FAM83F: variants seen among roughly 807,000 people sequenced by gnomAD.
The protein encoded by FAM83F is protein FAM83F.
A neutral mutation model predicts 42.9 loss-of-function variants in FAM83F; 45 were observed. The ratio of observed to expected loss-of-function variants is 1.05; its 90% confidence interval spans 0.83 to 1.35. FAM83F has a LOEUF of 1.35. Ranked by LOEUF, FAM83F falls within the 40% of genes most tolerant of loss-of-function variation. FAM83F has a pLI of 0.00. For missense variants in FAM83F, 617 were observed against 695.9 expected (o/e 0.89, Z 1.28); for synonymous variants, 306 against 298.3 (o/e 1.03, Z -0.27).
chr22:40,019,571 C>T (rs1479098670), intron 2 of FAM83F, among the ~76,000 whole-genome samples: 2 of 152,248 alleles, frequency 1.3e-5, no homozygotes, highest in African/African-American at 2.4e-5. Context: ...AAGGAGGGAG[C>T]TCTGGGCTGG....
Position 40,021,152 on chromosome 22 carries a change from A to C in FAM83F, c.780-138A>C, listed in dbSNP as rs1454628150. ...AGGCTACGGGTGGGTGGAGGGAATC[A>C]GTCCAGCGTGTGGCCCACAAGGAGC... is the stretch of plus-strand genomic sequence containing the variant. On this transcript the variant is annotated intron_variant, in intron 3 of 4. Coordinates refer to ENST00000333407, the MANE Select transcript of FAM83F (RefSeq NM_138435.4). This position sits in a 1 kb window ranked among gnomAD's most constrained non-coding sequence, Gnocchi z 8.7. 4.2e-6 allele frequency: 4 copies of C among 948,484 alleles called. No individual in the cohort carries two copies. Among genetic ancestry groups the C allele is most frequent in the Non-Finnish European group, 5.8e-6 (4 of 688,822 alleles). 58.8% of individuals were successfully genotyped at this position (948,484 alleles called of 1,614,324 possible).
intron 1 of FAM83F, among the ~76,000 whole-genome samples, chr22:40,001,681 CA>C (rs2067402553): frequency 6.6e-6 from 1 of 151,932 alleles, no homozygotes; most frequent in Non-Finnish European, 1.5e-5. Context: ...CAAAAAAACC[CA>C]AAAAGATAAG....
intron 4 of FAM83F, among the ~76,000 whole-genome samples, chr22:40,028,755 C>T (rs946687230): frequency 6.6e-6 from 1 of 152,220 alleles, no homozygotes; most frequent in East Asian, 1.9e-4. Flanking sequence ...TCCCTACAGG[C>T]AGCGCGTTCC....
chr22:40,028,792 C>G (rs1175725880), intron 4 of FAM83F, among the ~76,000 whole-genome samples: 1 of 152,242 alleles, frequency 6.6e-6, no homozygotes, highest in Non-Finnish European at 1.5e-5. Context: ...AAAGGCGCGT[C>G]CTAAGCAGTG....
chr22:40,019,154 C>A lies in FAM83F; in HGVS notation c.490-14C>A, dbSNP rs7290023. On this transcript the variant is annotated splice_polypyrimidine_tract_variant and intron_variant, in intron 1 of 4. Transcript: ENST00000333407. The stretch of plus-strand genomic sequence containing the variant: ...TAGACACCGTGTGCCTCACCAGTGC[C>A]TTTCCCCACCCAGGTCATTGCTGTG... The A allele has an allele frequency of 4.2e-4, 675 of 1,613,116 alleles. 2 individuals are homozygous for A. The African/African-American group carries it at 7.7e-3, about 18-fold the overall frequency.
chr22:39,995,988 A>G lies in FAM83F; in HGVS notation c.489+457A>G, dbSNP rs2067372227. Among the ~76,000 whole-genome samples, 1 of 152,182 alleles carries G rather than the reference A, an allele frequency of 6.6e-6. No individual in the cohort carries two copies. The highest frequency in any genetic ancestry group is 2.4e-5 in the African/African-American group (1 of 41,440). On this transcript the variant is annotated intron_variant, in intron 1 of 4. Transcript: ENST00000333407. The surrounding 1 kb of genome is among the most constrained non-coding windows in gnomAD (Gnocchi z 4.6). Reference sequence around the variant, plus strand: ...TGACCTTCCCGGTCCCACCTCTGCCATGCTGCTCCTTGGACCACCCCTCTC... The same window carrying G: ...TGACCTTCCCGGTCCCACCTCTGCCGTGCTGCTCCTTGGACCACCCCTCTC...
rs117912419 is a variant in FAM83F, at chr22:40,002,033, G to A, written c.489+6502G>A. On this transcript the variant is annotated intron_variant, in intron 1 of 4. Transcript: ENST00000333407. ...TGGTTGGTAAGGGCAGCTTTCTGCC[G>A]GCCTCCGAGCTGCCTTCGGGAGGCT... is the stretch of plus-strand genomic sequence containing the variant. 7.9e-3 allele frequency among the ~76,000 whole-genome samples: 1,189 copies of A among 151,160 alleles called. 18 individuals carry two copies. Among genetic ancestry groups the A allele is most frequent in the African/African-American group, 0.027 (1,100 of 40,482 alleles).
At position 40,032,283 on chromosome 22, in the gene FAM83F, C is replaced by T. The variant is rs564445375; in HGVS notation, c.*2718C>T. 7.9e-5 allele frequency: 12 copies of T among 152,330 alleles called. 2 individuals are homozygous for T. The South Asian group carries it at 2.1e-3, about 26-fold the overall frequency. The allele number at this position is 152,330 out of a possible 1,614,324, so 9.4% of individuals were successfully genotyped here. ...AACCTAACCTCCCAGTGAGCTGAGC[C>T]CCTGGTGCGGCCGCCACGCTTGCTT... On this transcript the variant is annotated 3_prime_UTR_variant, in exon 5 of 5. Coordinates refer to ENST00000333407, the MANE Select transcript of FAM83F (RefSeq NM_138435.4).
chr22:40,013,061 C>T (rs1435324615), intron 1 of FAM83F, among the ~76,000 whole-genome samples: 7 of 118,782 alleles, frequency 5.9e-5, no homozygotes, highest in Admixed American at 1.1e-4. Flanking sequence ...CCAGCCTGGG[C>T]GACAGAGCGA....
At chr22:40,016,299 C>G (rs921135723) in intron 1 of FAM83F, among the ~76,000 whole-genome samples, 9 of 152,098 alleles carry the variant, frequency 5.9e-5, no homozygotes, top group Non-Finnish European at 1.3e-4. Flanking sequence ...ACCTCATAGG[C>G]TCAAGCAATC....
intron 3 of FAM83F, 106 bp downstream of exon 3, chr22:40,020,114 A>T: frequency 3.4e-6 from 5 of 1,452,578 alleles, no homozygotes; most frequent in Non-Finnish European, 4.6e-6. Context: ...TGTAACAGGG[A>T]TCATCTGACG....
rs762768669 is a variant in FAM83F, at chr22:40,029,541, G to A, written c.1479G>A (p.Lys493=). 6.2e-7 allele frequency: 1 copy of A among 1,612,688 alleles called. No homozygotes were observed. The highest frequency in any genetic ancestry group is 8.5e-7 in the Non-Finnish European group (1 of 1,179,420). The change falls in exon 5 of 5, where the codon AAG becomes AAA. Residue 493 remains lysine (K), a synonymous_variant. Coordinates refer to ENST00000333407, the MANE Select transcript of FAM83F (RefSeq NM_138435.4). ...GTAAAACAAGTCCCAGTTCTGCCAA[G>A]CCTAGCAACTGTGTGATTTCCTGAG... ...ISGKTSPSSA[K]PSNCVIS
Position 40,030,288 on chromosome 22 carries a change from G to A in FAM83F, c.*723G>A, listed in dbSNP as rs2067578854. 1 of 152,362 alleles carries A rather than the reference G, an allele frequency of 6.6e-6. No individual in the cohort carries two copies. The highest frequency in any genetic ancestry group is 6.5e-5 in the Admixed American group (1 of 15,274). The allele number at this position is 152,362 out of a possible 1,614,324, so 9.4% of individuals were successfully genotyped here. ...CCGTCCTGGCAGTCTCGGCATGGGT[G>A]GTTGAGACCTCCTTGGCTGCTGCCT... is the stretch of plus-strand genomic sequence containing the variant. On this transcript the variant is annotated 3_prime_UTR_variant, in exon 5 of 5. Transcript: ENST00000333407.
chr22:40,022,452 C>T (rs1055393594), intron 4 of FAM83F, among the ~76,000 whole-genome samples: 39 of 152,158 alleles, frequency 2.6e-4, no homozygotes, highest in Non-Finnish European at 5.9e-5. Flanking sequence ...GTCAGGATCT[C>T]ACCTGGTTAG....
At chr22:40,002,392 T>C (rs2067406921) in intron 1 of FAM83F, among the ~76,000 whole-genome samples, 1 of 152,206 alleles carries the variant, frequency 6.6e-6, no homozygotes, top group Admixed American at 6.5e-5. Context: ...GAGAGTTGGC[T>C]CCTCTGAAAT....
At chr22:40,029,312 G>C (rs963393351) in intron 4 of FAM83F, among the ~76,000 whole-genome samples, 1 of 152,100 alleles carries the variant, frequency 6.6e-6, no homozygotes, top group Non-Finnish European at 1.5e-5. Context: ...GGCTCCTGCC[G>C]AGGCTGCTGA....
chr22:40,029,398 G>C, intron 4 of FAM83F, 118 bp from the exon 5 acceptor site: 1 of 1,377,962 alleles, frequency 7.3e-7, no homozygotes, highest in Non-Finnish European at 9.8e-7. Flanking sequence ...TTGGGAGGGA[G>C]ACAGTGACCC....
rs998667177 is a variant in FAM83F, at chr22:40,039,468, G to A, written c.*9903G>A. ...ATCTTAGGTGGAGAATAACAAATCC[G>A]ATTCAATATATTCATTTTAGAAACG... On this transcript the variant is annotated 3_prime_UTR_variant, in exon 5 of 5. Coordinates refer to ENST00000333407, the MANE Select transcript of FAM83F (RefSeq NM_138435.4). 2 of 152,148 alleles carry A rather than the reference G, an allele frequency of 1.3e-5. No individual in the cohort carries two copies. Among genetic ancestry groups the A allele is most frequent in the African/African-American group, 2.4e-5 (1 of 41,404 alleles). The allele number at this position is 152,148 out of a possible 1,614,324, so 9.4% of individuals were successfully genotyped here.
At position 40,021,437 on chromosome 22, in the gene FAM83F, G is replaced by C. The variant is rs1450562328; in HGVS notation, c.927G>C (p.Arg309Ser). 1.2e-6 allele frequency: 2 copies of C among 1,613,454 alleles called. No homozygotes were observed. The highest frequency in any genetic ancestry group is 1.7e-6 in the Non-Finnish European group (2 of 1,179,596). The stretch of plus-strand genomic sequence containing the variant: ...ACCGGCAGCTGAGCCTGGCGGGCAG[G>C]GTTGGCCTCCATTACTCCTCCACTG... The part of the protein sequence containing the change: ...DLYRQLSLAG[R>S]VGLHYSSTVA... The change falls in exon 4 of 5, where the codon AGG (arginine) becomes AGC (serine). Residue 309 changes from arginine to serine, a missense_variant. Transcript: ENST00000333407. This position sits in a 1 kb window ranked among gnomAD's most constrained non-coding sequence, Gnocchi z 8.7.
Sources: allele counts gnomAD v4.1 joint callset (sites outside exome capture counted in the v4.1 genomes callset), GRCh38; gene constraint gnomAD v4.1.1; non-coding constraint Gnocchi (gnomAD v3.1); transcripts MANE v1.5; gene names NCBI Gene and HGNC (gene_info 2026-07-23, HGNC 2026-07-21).